RNF212: variants seen among roughly 807,000 people sequenced by gnomAD.
The protein encoded by RNF212 is ring finger protein 212.
In RNF212, 33 loss-of-function variants were observed where a neutral mutation model predicts 34.7. The observed-to-expected ratio is 0.95, with a 90% CI of 0.72 to 1.27. The LOEUF (loss-of-function observed/expected upper bound fraction) is 1.27. RNF212 is among the 50% of genes most tolerant of loss of function. The pLI is 0.00. For synonymous variants in RNF212, 140 were observed against 136.1 expected, an observed-to-expected ratio of 1.03 and a Z score of -0.20; for missense variants, 377 against 362.2, an observed-to-expected ratio of 1.04 and a Z score of -0.33.
At chr4:1,112,721 C>A (rs1725897862) in intron 1 of RNF212, among the ~76,000 whole-genome samples, 1 of 135,776 alleles carries the variant, frequency 7.4e-6, no homozygotes, top group Non-Finnish European at 1.6e-5. Context: ...CCCCCGGCGG[C>A]CCCTCCCCTC....
intron 3 of RNF212, among the ~76,000 whole-genome samples, chr4:1,091,843 C>T (rs1374614854): frequency 1.3e-5 from 2 of 152,178 alleles, no homozygotes; most frequent in African/African-American, 4.8e-5. Context: ...AGGGTTCTCC[C>T]CTACTCGACA....
intron 4 of RNF212, among the ~76,000 whole-genome samples, chr4:1,090,515 A>G (rs651509): frequency 0.18 from 28,144 of 152,202 alleles, 4,231 homozygotes; most frequent in African/African-American, 0.42. Context: ...GTGTTGCCCC[A>G]GGTGGCTGAG....
intron 3 of RNF212, chr4:1,093,921 C>T: frequency 6.5e-7 from 1 of 1,536,204 alleles, no homozygotes; most frequent in Non-Finnish European, 8.7e-7. Context: ...CTGGCTGCTG[C>T]TTGGCTTCCA....
At chr4:1,082,308 G>C (rs1392824225) in intron 5 of RNF212, among the ~76,000 whole-genome samples, 1 of 152,218 alleles carries the variant, frequency 6.6e-6, no homozygotes, top group Admixed American at 6.5e-5. Flanking sequence ...GCCACAGAAG[G>C]CTGCTGCACC....
chr4:1,091,033 A>G (rs759704137), intron 3 of RNF212, among the ~76,000 whole-genome samples, 195 bp from the exon 4 acceptor site: 1 of 152,188 alleles, frequency 6.6e-6, no homozygotes, highest in Admixed American at 6.5e-5. Flanking sequence ...GGGAGGCTTA[A>G]TGGGCATGAT....
chr4:1,099,660 A>AG (rs1205846598), intron 2 of RNF212: 5 of 434,266 alleles, frequency 1.2e-5, no homozygotes, highest in Admixed American at 2.5e-5. Context: ...AATTTTTAAA[A>AG]GGGGGGTGTG....
At chr4:1,113,679 G>A (rs968223899), upstream of RNF212, 10 of 471,382 alleles carry the variant, frequency 2.1e-5, no homozygotes, top group Non-Finnish European at 3.7e-5. Flanking sequence ...CGTCTCCCAG[G>A]TCGTTTGGGC....
intron 3 of RNF212, among the ~76,000 whole-genome samples, chr4:1,063,166 G>A (rs922135556): frequency 2.0e-4 from 30 of 152,242 alleles, no homozygotes; most frequent in Admixed American, 1.2e-3. Flanking sequence ...AAACTCTACC[G>A]AGATTTCAAC....
chr4:1,113,595 C>A, upstream of RNF212: 1 of 620,234 alleles, frequency 1.6e-6, no homozygotes, highest in Non-Finnish European at 2.6e-6. Flanking sequence ...AGCCCTGCGC[C>A]CGCGCACTGG....
intron 3 of RNF212, among the ~76,000 whole-genome samples, chr4:1,063,038 G>T (rs1024899391): frequency 5.9e-5 from 9 of 152,108 alleles, no homozygotes; most frequent in Non-Finnish European, 1.2e-4. Context: ...GCAAAATACC[G>T]TTGAAAGAAA....
intron 1 of RNF212, among the ~76,000 whole-genome samples, chr4:1,110,815 TG>T (rs1725540885): frequency 6.6e-6 from 1 of 152,302 alleles, no homozygotes; most frequent in Non-Finnish European, 1.5e-5. Context: ...ACCACTTTTT[TG>T]TGTGTCTTTG....
In RNF212 at chr4:1,085,614, C is replaced by G. The variant is rs1356469935; in HGVS notation, c.362+282G>C. 3 of 526,808 alleles carry G rather than the reference C, an allele frequency of 5.7e-6. No individual in the cohort carries two copies. In the African/African-American group the frequency reaches 5.7e-5, roughly 10 times the overall value. 32.6% of individuals were successfully genotyped at this position (526,808 alleles called of 1,614,324 possible). A position where few individuals can be genotyped will look rare whatever the true frequency, so the allele number is the denominator to read the frequency against. On this transcript the variant is annotated intron_variant, in intron 5 of 9. Coordinates refer to ENST00000433731, the MANE Select transcript of RNF212 (RefSeq NM_001131034.4). Reference sequence around the variant, plus strand: ...GGGTCACTCTGAGAGGCCGGGGGCACCTGCTGCTCTCCCAGGCCCCTCCCA... The same window carrying G: ...GGGTCACTCTGAGAGGCCGGGGGCAGCTGCTGCTCTCCCAGGCCCCTCCCA...
At chr4:1,094,829 C>A (rs1336566309) in intron 3 of RNF212, among the ~76,000 whole-genome samples, 1 of 152,134 alleles carries the variant, frequency 6.6e-6, no homozygotes, top group Admixed American at 6.5e-5. Context: ...GGGCATCTTG[C>A]GCAAAGGACC....
chr4:1,099,143 C>T (rs1723527243), intron 2 of RNF212, among the ~76,000 whole-genome samples: 1 of 152,178 alleles, frequency 6.6e-6, no homozygotes, highest in African/African-American at 2.4e-5. Context: ...GCCATTCCTC[C>T]ACCCCGGCAC....
intron 5 of RNF212, among the ~76,000 whole-genome samples, chr4:1,083,174 T>C (rs1038918315): frequency 6.6e-6 from 1 of 150,790 alleles, no homozygotes; most frequent in African/African-American, 2.4e-5. Context: ...CCAGCGAGAG[T>C]GGAAGAAAAG....
At chr4:1,107,926 C>T (rs1725077019) in intron 2 of RNF212, among the ~76,000 whole-genome samples, 2 of 152,170 alleles carry the variant, frequency 1.3e-5, no homozygotes, top group South Asian at 4.1e-4. Flanking sequence ...ACAAGTTAAA[C>T]TGAATATTTT....
chr4:1,084,143 G>A (rs1452339608), intron 5 of RNF212, among the ~76,000 whole-genome samples: 1 of 151,982 alleles, frequency 6.6e-6, no homozygotes, highest in African/African-American at 2.4e-5. Context: ...TAGAGATGAG[G>A]TTTCTCCATG....
At chr4:1,076,298 G>C (rs1027862080) in intron 8 of RNF212, among the ~76,000 whole-genome samples, 1 of 152,180 alleles carries the variant, frequency 6.6e-6, no homozygotes, top group African/African-American at 2.4e-5. Flanking sequence ...GGAAGGAAAA[G>C]AACCAATCCC....
intron 3 of RNF212, 57 bp from the exon 4 acceptor site, chr4:1,090,895 G>C: frequency 1.8e-6 from 2 of 1,125,044 alleles, no homozygotes; most frequent in South Asian, 2.5e-5. Context: ...TGTGGCTGGA[G>C]TTTTGTTGGG....
Sources: allele counts gnomAD v4.1 joint callset (sites outside exome capture counted in the v4.1 genomes callset), GRCh38; gene constraint gnomAD v4.1.1; transcripts MANE v1.5; gene names NCBI Gene and HGNC (gene_info 2026-07-23, HGNC 2026-07-21).